Variants in DMD observed in about 807,000 individuals in gnomAD.
DMD encodes mutant dystrophin.
Under a neutral mutation model 330.1 loss-of-function variants are expected in DMD, and 63 were observed. That is an observed-to-expected ratio of 0.19 (90% confidence interval 0.16 to 0.24). The LOEUF (loss-of-function observed/expected upper bound fraction) is 0.24, where lower values mean the gene tolerates loss of function less well. DMD is among the 10% of genes least tolerant of loss of function. The probability of loss-of-function intolerance (pLI) is 1.00; values close to 1 mark genes in which losing one functional copy is unlikely to be tolerated. For synonymous variants in DMD, 1,223 were observed against 959.8 expected, an observed-to-expected ratio of 1.27 and a Z score of -5.07; for missense variants, 3,344 against 2,684.1, an observed-to-expected ratio of 1.25 and a Z score of -5.43.
At chrX:31,861,340 T>C (rs748307702) in intron 48 of DMD, among the ~76,000 whole-genome samples, 211 of 110,865 alleles carry the variant, frequency 1.9e-3, no homozygotes, top group Non-Finnish European at 3.1e-3. Context: ...TTCCTAATAC[T>C]GACGAGATGT....
chrX:31,308,992 G>T (rs369869183), intron 62 of DMD, among the ~76,000 whole-genome samples: 4 of 111,620 alleles, frequency 3.6e-5, no homozygotes, highest in African/African-American at 1.3e-4. Context: ...GCCTCCCAAA[G>T]TGCTAGGATT....
At chrX:32,593,452 G>A (rs961846962) in intron 13 of DMD, among the ~76,000 whole-genome samples, 2 of 111,562 alleles carry the variant, frequency 1.8e-5, no homozygotes, top group Non-Finnish European at 3.8e-5. Context: ...TGTACCAAGA[G>A]CGCAGTTCCC....
At chrX:32,379,360 A>G (rs776216361) in intron 34 of DMD, among the ~76,000 whole-genome samples, 21 of 110,920 alleles carry the variant, frequency 1.9e-4, no homozygotes, top group South Asian at 3.8e-4. Flanking sequence ...AAAGGTCATT[A>G]CCTTATAACA....
chrX:32,807,514 A>C (rs2148735354), intron 7 of DMD, among the ~76,000 whole-genome samples: 1 of 111,454 alleles, frequency 9.0e-6, no homozygotes, highest in South Asian at 3.8e-4. Context: ...TTGAAGTTTG[A>C]GACAGTAAAA....
intron 57 of DMD, among the ~76,000 whole-genome samples, chrX:31,480,420 A>C: frequency 9.0e-6 from 1 of 111,595 alleles, no homozygotes; most frequent in Admixed American, 9.6e-5. Flanking sequence ...ATTAGGATTC[A>C]GCCTACAGAT....
At chrX:31,584,469 C>A (rs2076491942) in intron 55 of DMD, among the ~76,000 whole-genome samples, 1 of 111,663 alleles carries the variant, frequency 9.0e-6, no homozygotes, top group Non-Finnish European at 1.9e-5. Context: ...TGGTTATATA[C>A]CCAAAGGAAT....
chrX:32,640,283 A>G (rs1220093322), intron 11 of DMD, among the ~76,000 whole-genome samples: 1 of 107,556 alleles, frequency 9.3e-6, no homozygotes, highest in Non-Finnish European at 1.9e-5. Context: ...CTCATCTAGT[A>G]TCTTTCAGAG....
At chrX:31,318,251 T>C (rs749895498) in intron 62 of DMD, among the ~76,000 whole-genome samples, 1 of 111,060 alleles carries the variant, frequency 9.0e-6, no homozygotes, top group South Asian at 3.8e-4. Flanking sequence ...GATCCGTGAG[T>C]TCAAACCAGA....
chrX:32,239,119 G>T (rs1007598251), intron 43 of DMD, among the ~76,000 whole-genome samples: 20 of 111,450 alleles, frequency 1.8e-4, no homozygotes, highest in African/African-American at 6.2e-4. Context: ...CTTCACAAGA[G>T]GCCAGTAGTA....
intron 60 of DMD, among the ~76,000 whole-genome samples, chrX:31,428,015 C>T (rs1198254264): frequency 1.8e-5 from 2 of 112,355 alleles, no homozygotes; most frequent in Non-Finnish European, 1.9e-5. Flanking sequence ...TCTTCTGGTT[C>T]AGTCATATCT....
chrX:32,636,789 G>C (rs779839936), intron 11 of DMD, among the ~76,000 whole-genome samples: 31 of 110,528 alleles, frequency 2.8e-4, no homozygotes, highest in African/African-American at 9.9e-4. Context: ...ACGAGGTCAG[G>C]AGGTCGAGAC....
intron 16 of DMD, among the ~76,000 whole-genome samples, chrX:32,561,107 T>G (rs761178235): frequency 1.8e-5 from 2 of 111,410 alleles, no homozygotes; most frequent in Non-Finnish European, 3.8e-5. Context: ...TATCTTGACT[T>G]TTTAAAAATC....
Position 32,156,366 on chromosome X carries a change from G to A in DMD, c.6438+60550C>T, listed in dbSNP as rs954138983. On this transcript the variant is annotated intron_variant, in intron 44 of 78. Coordinates refer to ENST00000357033, the MANE Select transcript of DMD (RefSeq NM_004006.3). ...CTGCACTCCAGCCTGGCGACAGAGC[G>A]AGACTTCGTCTCAAAAAAATAAATA... Among the ~76,000 whole-genome samples the A allele has an allele frequency of 6.2e-5, 7 of 112,374 alleles. No homozygotes were observed. The East Asian group carries it at 2.0e-3, about 32-fold the overall frequency.
At chrX:33,159,479 C>T (rs192256159) in intron 1 of DMD, 5 of 111,468 alleles carry the variant, frequency 4.5e-5, no homozygotes, top group Non-Finnish European at 9.4e-5. Flanking sequence ...TGTTCTCCTC[C>T]CTGTGTCCAT....
chrX:32,683,996 A>AACACACAC (rs751597257), intron 9 of DMD, among the ~76,000 whole-genome samples: 3 of 100,520 alleles, frequency 3.0e-5, no homozygotes, highest in African/African-American at 1.1e-4. Flanking sequence ...GCACATACAA[A>AACACACAC]ACACACACAC....
intron 55 of DMD, among the ~76,000 whole-genome samples, chrX:31,609,090 T>C (rs1399041053): frequency 8.9e-6 from 1 of 112,245 alleles, no homozygotes; most frequent in Non-Finnish European, 1.9e-5. Flanking sequence ...TTTATTGTTA[T>C]CAGTGATTAA....
intron 42 of DMD, 55 bp downstream of exon 42, chrX:32,310,027 T>C (rs1464964326): frequency 1.3e-5 from 14 of 1,060,248 alleles, no homozygotes. Context: ...TCTGGCACTA[T>C]GAATGATCAG....
chrX:32,740,544 C>T (rs747576528), intron 7 of DMD, among the ~76,000 whole-genome samples: 85 of 110,679 alleles, frequency 7.7e-4, no homozygotes, highest in African/African-American at 2.5e-3. Flanking sequence ...ATTTATCTTT[C>T]GGTGTAAGAA....
chrX:31,816,688 C>T (rs937078054), intron 50 of DMD, among the ~76,000 whole-genome samples: 3 of 108,171 alleles, frequency 2.8e-5, no homozygotes, highest in Non-Finnish European at 5.7e-5. Flanking sequence ...ATCCCAGCTA[C>T]TTGGGAGGCT....
Sources: allele counts gnomAD v4.1 joint callset (sites outside exome capture counted in the v4.1 genomes callset), GRCh38; gene constraint gnomAD v4.1.1; transcripts MANE v1.5; gene names NCBI Gene and HGNC (gene_info 2026-07-23, HGNC 2026-07-21).